CASP10: variants seen among roughly 807,000 people sequenced by gnomAD.
CASP10 encodes the protein caspase 10.
Under a neutral mutation model 48.5 loss-of-function variants are expected in CASP10, and 41 were observed. That is an observed-to-expected ratio of 0.85 (90% confidence interval 0.66 to 1.10). The LOEUF (loss-of-function observed/expected upper bound fraction) is 1.10, where lower values mean the gene tolerates loss of function less well. Among genes scored for constraint, CASP10 ranks in the 50% least tolerant of loss-of-function variants. CASP10 has a pLI of 0.00. For missense variants in CASP10, 614 were observed against 614.5 expected (o/e 1.00, Z 0.01); for synonymous variants, 232 against 238.4 (o/e 0.97, Z 0.25).
Position 201,197,268 on chromosome 2 carries a change from C to T in CASP10, c.684+1320C>T, listed in dbSNP as rs78443175. On this transcript the variant is annotated intron_variant, in intron 5 of 9. Coordinates refer to ENST00000286186, the MANE Select transcript of CASP10 (RefSeq NM_032977.4). ...CTGAGATTACAGCCATGTACCACCA[C>T]GCCCAGCCACATACCATATAATGAA... Among the ~76,000 whole-genome samples the T allele has an allele frequency of 3.7e-3, 562 of 152,196 alleles. 3 individuals carry two copies. The highest frequency in any genetic ancestry group is 0.013 in the African/African-American group (535 of 41,534).
intron 9 of CASP10, chr2:201,213,947 C>T (rs1945485871): frequency 6.6e-6 from 1 of 152,090 alleles, no homozygotes. Context: ...GTGTAGCCGC[C>T]CAATTTTAGG....
chr2:201,208,086 G>A lies in CASP10; in HGVS notation c.825G>A (p.Val275=), dbSNP rs1945268506. 1 of 1,613,154 alleles carries A rather than the reference G, an allele frequency of 6.2e-7. No individual in the cohort carries two copies. Among genetic ancestry groups the A allele is most frequent in the African/African-American group, 1.3e-5 (1 of 74,884 alleles). Residue 275 remains valine, a synonymous_variant, in exon 8 of 10, where the codon GTG becomes GTA. Transcript: ENST00000286186. ...ATCTATTCTTCAAGAGGGCAGCTGT[G>A]TACAGGATGAATCGGAACCACAGAG... ...NSETSTKRAA[V]YRMNRNHRGL... is the part of the protein sequence containing the mutation.
intron 3 of CASP10, among the ~76,000 whole-genome samples, chr2:201,188,542 A>G (rs138346883): frequency 1.3e-5 from 2 of 152,050 alleles, no homozygotes; most frequent in South Asian, 2.1e-4. Flanking sequence ...CCTGCCCCCA[A>G]ATCTCTTTCT....
chr2:201,218,885 T>C lies in CASP10; in HGVS notation c.*1144T>C, dbSNP rs1945651077. Reference sequence around the variant, plus strand: ...GGAAGGTGCTCACATAGGAAGTTTTTATTTGGTTAGAGACAGGTTTCCCTG... The same window carrying C: ...GGAAGGTGCTCACATAGGAAGTTTTCATTTGGTTAGAGACAGGTTTCCCTG... On this transcript the variant is annotated 3_prime_UTR_variant, in exon 10 of 10. Transcript: ENST00000286186. 5 of 985,454 alleles carry C rather than the reference T, an allele frequency of 5.1e-6. No individual in the cohort carries two copies. In the South Asian group the frequency reaches 1.9e-4, roughly 37 times the overall value. 61.0% of individuals were successfully genotyped at this position (985,454 alleles called of 1,614,324 possible). A position where few individuals can be genotyped will look rare whatever the true frequency, so the allele number is the denominator to read the frequency against.
intron 5 of CASP10, among the ~76,000 whole-genome samples, chr2:201,201,695 G>T (rs902112270): frequency 6.6e-6 from 1 of 152,120 alleles, no homozygotes; most frequent in African/African-American, 2.4e-5. Context: ...AGACTTTTAA[G>T]GTTGGAAGGT....
rs1559314470 is a variant in CASP10, at chr2:201,217,684, T to C, written c.1512T>C (p.Ala504=). Residue 504 remains alanine (A), a synonymous_variant, in exon 10 of 10, where the codon GCT becomes GCC. Coordinates refer to ENST00000286186, the MANE Select transcript of CASP10 (RefSeq NM_032977.4). ...CAAAGAAACAGATGCCCCAGCCTGC[T>C]TTCACACTAAGGAAAAAACTAGTAT... ...QGTKKQMPQP[A]FTLRKKLVFP... is the part of the protein sequence containing the mutation. 1 of 1,614,188 alleles carries C rather than the reference T, an allele frequency of 6.2e-7. No homozygotes were observed. The highest frequency in any genetic ancestry group is 2.2e-5 in the East Asian group (1 of 44,888).
downstream of CASP10, among the ~76,000 whole-genome samples, chr2:201,226,054 T>C (rs574358297): frequency 3.3e-5 from 5 of 152,344 alleles, no homozygotes; most frequent in African/African-American, 1.2e-4. Flanking sequence ...AGGAGATATA[T>C]GTACATATAC....
chr2:201,219,921 T>G lies in CASP10; in HGVS notation c.*2180T>G, dbSNP rs1484947008. ...TTGACTTCAGCCAGGTGAACTGGAATGCCTTGGGGCGTGGAAGGGCATTAG... is the reference window on the plus strand; with the variant it reads ...TTGACTTCAGCCAGGTGAACTGGAAGGCCTTGGGGCGTGGAAGGGCATTAG... On this transcript the variant is annotated 3_prime_UTR_variant, in exon 10 of 10. Coordinates refer to ENST00000286186, the MANE Select transcript of CASP10 (RefSeq NM_032977.4). 1.0e-6 allele frequency: 1 copy of G among 985,326 alleles called. No homozygotes were observed. The highest frequency in any genetic ancestry group is 1.2e-6 in the Non-Finnish European group (1 of 829,948). The allele number at this position is 985,326 out of a possible 1,614,324, so 61.0% of individuals were successfully genotyped here. A position where few individuals can be genotyped will look rare whatever the true frequency, so the allele number is the denominator to read the frequency against.
intron 9 of CASP10, among the ~76,000 whole-genome samples, chr2:201,227,015 T>C (rs1282264968): frequency 1.3e-5 from 2 of 152,150 alleles, no homozygotes; most frequent in African/African-American, 4.8e-5. Context: ...ATTGTACAAA[T>C]ATACAGATGC....
chr2:201,198,084 T>G (rs888752106), intron 5 of CASP10, among the ~76,000 whole-genome samples: 3 of 152,202 alleles, frequency 2.0e-5, no homozygotes, highest in Non-Finnish European at 4.4e-5. Context: ...GTGGTTTTGA[T>G]TTGCTTTCCT....
chr2:201,214,349 A>G (rs1339102089), intron 9 of CASP10: 6 of 152,182 alleles, frequency 3.9e-5, no homozygotes, highest in African/African-American at 1.4e-4. Flanking sequence ...TGATTAGAAA[A>G]ATTTGTAGGG....
At chr2:201,200,469 A>G in intron 5 of CASP10, 1 of 1,598,366 alleles carries the variant, frequency 6.3e-7, no homozygotes, top group Non-Finnish European at 8.5e-7. Flanking sequence ...TTTTAAATGA[A>G]GGAGACCGTG....
At chr2:201,196,536 T>G (rs1387683010) in intron 5 of CASP10, among the ~76,000 whole-genome samples, 1 of 152,216 alleles carries the variant, frequency 6.6e-6, no homozygotes, top group South Asian at 2.1e-4. Flanking sequence ...ATCATGATCC[T>G]TGGGAGATAT....
intron 5 of CASP10, among the ~76,000 whole-genome samples, chr2:201,202,531 A>G (rs1945055664): frequency 1.3e-5 from 2 of 152,226 alleles, no homozygotes; most frequent in African/African-American, 2.4e-5. Flanking sequence ...ATTGCCCCTA[A>G]TCCCAGAAGA....
rs111916535 is a variant in CASP10 at position 201,205,867 on chromosome 2, T to C, written c.722-15T>C. ...TTGGGGAAGATATTTGGAGTCTGAG[T>C]ACCTCTCTTTCTAGGTAACAGAGCC... On this transcript the variant is annotated splice_polypyrimidine_tract_variant and intron_variant, in intron 6 of 9. Coordinates refer to ENST00000286186, the MANE Select transcript of CASP10 (RefSeq NM_032977.4). 48 of 1,490,620 alleles carry C rather than the reference T, an allele frequency of 3.2e-5. No individual in the cohort carries two copies. Among genetic ancestry groups the C allele is most frequent in the African/African-American group, 1.8e-4 (13 of 72,504 alleles). 92.3% of individuals were successfully genotyped at this position (1,490,620 alleles called of 1,614,324 possible).
At chr2:201,227,096 A>T (rs144278110) in intron 9 of CASP10, among the ~76,000 whole-genome samples, 2 of 152,104 alleles carry the variant, frequency 1.3e-5, no homozygotes, top group African/African-American at 2.4e-5. Flanking sequence ...ACAGGGGGGA[A>T]CATGCCAATG....
chr2:201,209,468 G>A lies in CASP10; in HGVS notation c.1321G>A (p.Ala441Thr), dbSNP rs760580885. 6 of 1,614,020 alleles carry A rather than the reference G, an allele frequency of 3.7e-6. No individual in the cohort carries two copies. Among genetic ancestry groups the A allele is most frequent in the Non-Finnish European group, 5.1e-6 (6 of 1,179,896 alleles). The stretch of plus-strand genomic sequence containing the variant: ...CGAGGCTGACTTCCTACTTGGTCTG[G>A]CCACTGTCCCAGGCTATGTATCCTT... ...PAEADFLLGL[A>T]TVPGYVSFRH... The change falls in exon 9 of 10, where the codon GCC becomes ACC. Residue 441 changes from alanine to threonine, a missense_variant. By Grantham distance (58) the Ala-to-Thr change is moderately conservative. Transcript: ENST00000286186.
At chr2:201,199,460 G>A (rs1416931534) in intron 5 of CASP10, among the ~76,000 whole-genome samples, 1 of 151,484 alleles carries the variant, frequency 6.6e-6, no homozygotes, top group African/African-American at 2.4e-5. Flanking sequence ...AGGTGAGCCT[G>A]GGCAACATAG....
rs1451881594 is a variant in CASP10 at position 201,192,975 on chromosome 2, C to G, written c.442-9C>G. The G allele has an allele frequency of 6.2e-7, 1 of 1,612,640 alleles. No homozygotes were observed. Among genetic ancestry groups the G allele is most frequent in the South Asian group, 1.1e-5 (1 of 91,012 alleles). On this transcript the variant is annotated splice_polypyrimidine_tract_variant and intron_variant, in intron 3 of 9. Transcript: ENST00000286186. ...GCAAGTAAATGTAACTCTATTGATT[C>G]TCTTGTAGACCTCCCTAAGTTTCCT...
Sources: allele counts gnomAD v4.1 joint callset (sites outside exome capture counted in the v4.1 genomes callset), GRCh38; gene constraint gnomAD v4.1.1; transcripts MANE v1.5; gene names NCBI Gene and HGNC (gene_info 2026-07-23, HGNC 2026-07-21).